The following PANK1 variants were observed in gnomAD, a reference collection of about 807,000 sequenced individuals.
PANK1 encodes pantothenic acid kinase 1.
A neutral mutation model predicts 40.1 loss-of-function variants in PANK1; 18 were observed. The observed-to-expected ratio is 0.45, with a 90% confidence interval of 0.31 to 0.67. The LOEUF is 0.67. Ranked by LOEUF, PANK1 falls within the 30% of genes least tolerant of loss-of-function variation. PANK1 has a pLI of 0.06. For missense variants in PANK1, 457 were observed against 599.6 expected (o/e 0.76, Z 2.48); for synonymous variants, 242 against 237.7 (o/e 1.02, Z -0.17).
At chr10:89,635,912 C>A (rs1466200533) in intron 1 of PANK1, among the ~76,000 whole-genome samples, 1 of 152,202 alleles carries the variant, frequency 6.6e-6, no homozygotes, top group Non-Finnish European at 1.5e-5. Context: ...TCTTAAGGCT[C>A]CAGAGTAATC....
At chr10:89,600,712 T>C (rs972465191) in intron 2 of PANK1, among the ~76,000 whole-genome samples, 2 of 152,112 alleles carry the variant, frequency 1.3e-5, no homozygotes, top group African/African-American at 4.8e-5. Context: ...CATTTTGCCT[T>C]CTCAAAAGTT....
intron 5 of PANK1, among the ~76,000 whole-genome samples, chr10:89,591,751 C>T (rs1454181512): frequency 6.6e-6 from 1 of 152,212 alleles, no homozygotes; most frequent in East Asian, 1.9e-4. Flanking sequence ...AATTGGCACT[C>T]GCTCTACTCC....
chr10:89,641,258 T>C (rs912750883), intron 1 of PANK1, among the ~76,000 whole-genome samples: 1 of 152,244 alleles, frequency 6.6e-6, no homozygotes, highest in Non-Finnish European at 1.5e-5. Flanking sequence ...TTTTTTATAC[T>C]GGTTTTTCTA....
At chr10:89,623,129 CT>C (rs1845548774) in intron 1 of PANK1, among the ~76,000 whole-genome samples, 1 of 152,142 alleles carries the variant, frequency 6.6e-6, no homozygotes, top group South Asian at 2.1e-4. Flanking sequence ...AAACTAGAAA[CT>C]TTAGGCCAAA....
intron 1 of PANK1, among the ~76,000 whole-genome samples, chr10:89,623,876 G>A (rs1466709465): frequency 6.6e-6 from 1 of 152,234 alleles, no homozygotes; most frequent in African/African-American, 2.4e-5. Context: ...AGGGTGGGAA[G>A]AGGCTGATTC....
intron 1 of PANK1, among the ~76,000 whole-genome samples, chr10:89,628,539 G>A (rs977789336): frequency 4.6e-5 from 7 of 152,140 alleles, no homozygotes; most frequent in Non-Finnish European, 1.0e-4. Context: ...GGGAAAAAGA[G>A]GAGTGACTGC....
At chr10:89,591,806 G>A (rs1274508935) in intron 5 of PANK1, among the ~76,000 whole-genome samples, 1 of 152,188 alleles carries the variant, frequency 6.6e-6, no homozygotes, top group Admixed American at 6.5e-5. Flanking sequence ...GAAAAGTAAA[G>A]TCAGTTGCTC....
intron 1 of PANK1, among the ~76,000 whole-genome samples, chr10:89,626,796 T>C (rs1254524154): frequency 1.3e-5 from 2 of 152,158 alleles, no homozygotes; most frequent in Non-Finnish European, 2.9e-5. Context: ...TGCCCGGCAC[T>C]AAGGCTCAAG....
intron 1 of PANK1, among the ~76,000 whole-genome samples, chr10:89,628,957 T>A (rs563881057): frequency 6.6e-6 from 1 of 152,380 alleles, no homozygotes; most frequent in East Asian, 1.9e-4. Context: ...TTCTATGTCT[T>A]GCTTTTGGGC....
intron 2 of PANK1, among the ~76,000 whole-genome samples, chr10:89,604,941 C>T (rs1444850702): frequency 4.0e-5 from 6 of 151,272 alleles, no homozygotes; most frequent in African/African-American, 9.7e-5. Context: ...TTAGTAGAGA[C>T]GGGGTTTCAC....
At chr10:89,595,831 AAAATAT>A (rs1388361941) in intron 3 of PANK1, among the ~76,000 whole-genome samples, 68 of 56,652 alleles carry the variant, frequency 1.2e-3, no homozygotes, top group Middle Eastern at 8.5e-3. Context: ...AAAAAAAAAA[AAAATAT>A]ATATATATAT....
At chr10:89,620,094 C>G (rs1033864492) in intron 1 of PANK1, among the ~76,000 whole-genome samples, 6 of 152,184 alleles carry the variant, frequency 3.9e-5, no homozygotes, top group African/African-American at 1.4e-4. Context: ...TTAATCTCGT[C>G]ATCTTCGTAA....
chr10:89,611,986 T>C lies in PANK1; in HGVS notation c.355A>G (p.Lys119Glu), dbSNP rs1369432034. 1 of 1,614,016 alleles carries C rather than the reference T, an allele frequency of 6.2e-7. No individual in the cohort carries two copies. The highest frequency in any genetic ancestry group is 8.5e-7 in the Non-Finnish European group (1 of 1,180,046). Residue 119 changes from lysine to glutamate, a missense_variant, in exon 2 of 7, where the codon AAG (lysine) becomes GAG (glutamate). Transcript: ENST00000307534. The part of the protein sequence containing the change: ...TLVKLVYFEP[K>E]DITAEEEQEE... ...TGCTCCTCTTCGGCTGTAATATCCT[T>C]CGGCTCGAAATACACCAATTTAACC... is the stretch of plus-strand genomic sequence containing the variant.
chr10:89,613,727 G>A (rs749299896), intron 1 of PANK1, among the ~76,000 whole-genome samples: 12 of 152,212 alleles, frequency 7.9e-5, no homozygotes, highest in Non-Finnish European at 1.6e-4. Context: ...CCTAGCAGGA[G>A]ATGAAAAAAC....
At chr10:89,641,826 A>C (rs1841980372) in intron 1 of PANK1, among the ~76,000 whole-genome samples, 1 of 152,196 alleles carries the variant, frequency 6.6e-6, no homozygotes, top group African/African-American at 2.4e-5. Flanking sequence ...ATTAAATGTT[A>C]AATCAGTGGC....
chr10:89,596,950 C>G (rs964491700), intron 3 of PANK1, among the ~76,000 whole-genome samples: 1 of 152,112 alleles, frequency 6.6e-6, no homozygotes, highest in Non-Finnish European at 1.5e-5. Context: ...CGAGTTGTGT[C>G]ACTAGGAAAA....
chr10:89,624,671 C>A (rs1299385095), intron 1 of PANK1, among the ~76,000 whole-genome samples: 1 of 152,070 alleles, frequency 6.6e-6, no homozygotes, highest in African/African-American at 2.4e-5. Context: ...TTTTTAGTGA[C>A]TGGCCACATT....
downstream of PANK1, chr10:89,581,108 T>C (rs1844043133): frequency 6.6e-6 from 1 of 151,052 alleles, no homozygotes; most frequent in Non-Finnish European, 1.5e-5. Context: ...TGAATGTGAA[T>C]GAATAAATGA....
At chr10:89,630,653 C>G (rs1401746105) in intron 1 of PANK1, among the ~76,000 whole-genome samples, 1 of 151,978 alleles carries the variant, frequency 6.6e-6, no homozygotes, top group African/African-American at 2.4e-5. Context: ...TCACCTCGCC[C>G]GGCTAATTTT....
Sources: allele counts gnomAD v4.1 joint callset (sites outside exome capture counted in the v4.1 genomes callset), GRCh38; gene constraint gnomAD v4.1.1; transcripts MANE v1.5; gene names NCBI Gene and HGNC (gene_info 2026-07-23, HGNC 2026-07-21).